Variants in PLCG2 observed in about 807,000 individuals in gnomAD.
PLCG2 encodes the protein phospholipase C gamma 2.
In PLCG2, 69 loss-of-function variants were observed where a neutral mutation model predicts 175.6. The observed-to-expected ratio is 0.39, with a 90% CI of 0.32 to 0.48. PLCG2 has a LOEUF of 0.48. PLCG2 is among the 20% of genes least tolerant of loss of function. PLCG2 has a pLI of 0.91. For missense variants in PLCG2, 1,798 were observed against 1,650.9 expected (o/e 1.09, Z -1.54); for synonymous variants, 827 against 624.0 (o/e 1.33, Z -4.85).
chr16:81,853,872 T>A (rs1906546952), intron 2 of PLCG2, among the ~76,000 whole-genome samples: 1 of 152,174 alleles, frequency 6.6e-6, no homozygotes. Context: ...CCCTGTGATA[T>A]CCAGAACCCC....
rs546063460 is a variant in PLCG2 at position 81,946,324 on chromosome 16, C to T, written c.3570+61C>T. On this transcript the variant is annotated intron_variant, in intron 31 of 32. Coordinates refer to ENST00000564138, the MANE Select transcript of PLCG2 (RefSeq NM_002661.5). Reference sequence around the variant, plus strand: ...CTATGCCTGCTGGTGAGGGTAGAAACGGCCCGTGAATACAATTGGCAGATG... The same window carrying T: ...CTATGCCTGCTGGTGAGGGTAGAAATGGCCCGTGAATACAATTGGCAGATG... 126 of 1,216,932 alleles carry T rather than the reference C, an allele frequency of 1.0e-4. No homozygotes were observed. In the South Asian group the frequency reaches 1.4e-3, roughly 13 times the overall value. The allele number at this position is 1,216,932 out of a possible 1,614,324, so 75.4% of individuals were successfully genotyped here. A position where few individuals can be genotyped will look rare whatever the true frequency, so the allele number is the denominator to read the frequency against.
At chr16:81,924,238 C>T (rs137975710) in intron 22 of PLCG2, among the ~76,000 whole-genome samples, 6 of 152,348 alleles carry the variant, frequency 3.9e-5, no homozygotes, top group African/African-American at 1.2e-4. Context: ...TGTGGGGTGA[C>T]TTCTGTCTGA....
intron 5 of PLCG2, among the ~76,000 whole-genome samples, chr16:81,865,125 A>G (rs1253528674): frequency 6.6e-6 from 1 of 152,144 alleles, no homozygotes; most frequent in Admixed American, 6.5e-5. Flanking sequence ...AGCTCTGAGC[A>G]TGGCCTGTGG....
intron 19 of PLCG2, among the ~76,000 whole-genome samples, chr16:81,915,481 T>A (rs1057170588): frequency 2.0e-5 from 3 of 152,240 alleles, no homozygotes; most frequent in African/African-American, 7.2e-5. Flanking sequence ...TCCAGGAGGA[T>A]GGAAGATGCA....
chr16:81,852,536 TA>T (rs1906471072), intron 2 of PLCG2, among the ~76,000 whole-genome samples: 1 of 152,110 alleles, frequency 6.6e-6, no homozygotes, highest in African/African-American at 2.4e-5. Flanking sequence ...GGTCATCTTG[TA>T]GGGGGAAGGA....
chr16:81,879,570 G>A (rs8045054), intron 7 of PLCG2, among the ~76,000 whole-genome samples: 40,899 of 151,970 alleles, frequency 0.27, 5,563 homozygotes, highest in Non-Finnish European at 0.28. Context: ...TCCCCATGAC[G>A]TCCTGGGCTG....
chr16:81,955,102 T>A lies in PLCG2; in HGVS notation c.3571-1593T>A, dbSNP rs74835056. Among the ~76,000 whole-genome samples the A allele has an allele frequency of 4.0e-3, 615 of 152,332 alleles. 6 individuals are homozygous for A. Among genetic ancestry groups the A allele is most frequent in the African/African-American group, 0.014 (590 of 41,568 alleles). On this transcript the variant is annotated intron_variant, in intron 31 of 32. Coordinates refer to ENST00000564138, the MANE Select transcript of PLCG2 (RefSeq NM_002661.5). Reference sequence around the variant, plus strand: ...CTTCCCAATGCCTCACTTGATACATTCACTTAATCACCAAGGACAGCCCAT... The same window carrying A: ...CTTCCCAATGCCTCACTTGATACATACACTTAATCACCAAGGACAGCCCAT...
At chr16:81,847,259 C>T (rs574652529) in intron 2 of PLCG2, among the ~76,000 whole-genome samples, 1 of 152,206 alleles carries the variant, frequency 6.6e-6, no homozygotes. Flanking sequence ...TTCCCATGTT[C>T]TCTCTGGGCA....
At chr16:81,778,407 T>G (rs1910553744), upstream of PLCG2, among the ~76,000 whole-genome samples, 1 of 151,974 alleles carries the variant, frequency 6.6e-6, no homozygotes, top group South Asian at 2.1e-4. Context: ...AACTTGGAAG[T>G]GAAATTCAAG....
At position 81,946,054 on chromosome 16, in the gene PLCG2, A is replaced by C. The variant is rs764295098; in HGVS notation, c.3482-121A>C. 3.7e-5 allele frequency: 28 copies of C among 747,402 alleles called. No individual in the cohort carries two copies. In the South Asian group the frequency reaches 4.2e-4, roughly 11 times the overall value. 46.3% of individuals were successfully genotyped at this position (747,402 alleles called of 1,614,324 possible). ...GGCTTCCACAAAGTCAGCCCCCAGC[A>C]TGGGGCACTGACTTCTCTACCCTTT... is the stretch of plus-strand genomic sequence containing the variant. On this transcript the variant is annotated intron_variant, in intron 30 of 32. Coordinates refer to ENST00000564138, the MANE Select transcript of PLCG2 (RefSeq NM_002661.5).
At position 81,816,200 on chromosome 16, in the gene PLCG2, G is replaced by A. The variant is rs1273831348; in HGVS notation, c.193+30018G>A. Among the ~76,000 whole-genome samples the A allele has an allele frequency of 2.0e-5, 3 of 152,088 alleles. No individual in the cohort carries two copies. The East Asian group carries it at 5.8e-4, about 29-fold the overall frequency. The stretch of plus-strand genomic sequence containing the variant: ...AGCCTGGCCAATATGGTGAAACTCT[G>A]CCTCTACTAAAAATATAAAAATTAG... On this transcript the variant is annotated intron_variant, in intron 2 of 32. Coordinates refer to ENST00000564138, the MANE Select transcript of PLCG2 (RefSeq NM_002661.5).
chr16:81,829,750 G>T (rs1388791436), intron 2 of PLCG2, among the ~76,000 whole-genome samples: 1 of 152,170 alleles, frequency 6.6e-6, no homozygotes, highest in Non-Finnish European at 1.5e-5. Flanking sequence ...TTCCATTGGT[G>T]ACAAGAGCCA....
chr16:81,742,615 G>C (rs112237376), intron 1 of PLCG2, among the ~76,000 whole-genome samples: 15 of 152,336 alleles, frequency 9.8e-5, no homozygotes, highest in African/African-American at 3.6e-4. Flanking sequence ...CTGGGAACTG[G>C]GGTGGACAGG....
rs140331036 is a variant in PLCG2, at chr16:81,946,966, A to G, written c.3570+703A>G. Among the ~76,000 whole-genome samples the G allele has an allele frequency of 1.2e-3, 182 of 152,300 alleles. 1 individual carries two copies. Among genetic ancestry groups the G allele is most frequent in the Non-Finnish European group, 2.1e-3 (143 of 68,032 alleles). ...CTCACTGAAGATCTGGGATTTGTGCATCTATTGCCCGGGGAAAGGGAACCA... is the reference window on the plus strand; with the variant it reads ...CTCACTGAAGATCTGGGATTTGTGCGTCTATTGCCCGGGGAAAGGGAACCA... On this transcript the variant is annotated intron_variant, in intron 31 of 32. Transcript: ENST00000564138.
intron 2 of PLCG2, among the ~76,000 whole-genome samples, chr16:81,768,315 T>G (rs1439216106): frequency 6.6e-6 from 1 of 152,194 alleles, no homozygotes; most frequent in African/African-American, 2.4e-5. Context: ...ATGAAGGACA[T>G]TTGGGTTGTT....
At chr16:81,854,332 A>T (rs985696675) in intron 2 of PLCG2, 112 bp from the exon 3 acceptor site, 79 of 925,644 alleles carry the variant, frequency 8.5e-5, no homozygotes, top group Non-Finnish European at 1.0e-5. Context: ...GCTTTGCGGG[A>T]TCCTGTTGGG....
chr16:81,848,872 G>A (rs900642423), intron 2 of PLCG2, among the ~76,000 whole-genome samples: 3 of 152,194 alleles, frequency 2.0e-5, no homozygotes, highest in African/African-American at 7.2e-5. Context: ...GTGGAAGAGA[G>A]GTGCTTGGTA....
At chr16:81,909,146 A>G (rs1909508667) in intron 17 of PLCG2, among the ~76,000 whole-genome samples, 1 of 152,280 alleles carries the variant, frequency 6.6e-6, no homozygotes, top group Non-Finnish European at 1.5e-5. Context: ...TGCCAGACAG[A>G]CAATGTCTTT....
chr16:81,904,632 G>A (rs529028096), intron 14 of PLCG2, among the ~76,000 whole-genome samples: 1 of 152,340 alleles, frequency 6.6e-6, no homozygotes, highest in East Asian at 1.9e-4. Flanking sequence ...CTGTGTGCTA[G>A]AGAAGGCTGG....
Sources: allele counts gnomAD v4.1 joint callset (sites outside exome capture counted in the v4.1 genomes callset), GRCh38; gene constraint gnomAD v4.1.1; transcripts MANE v1.5; gene names NCBI Gene and HGNC (gene_info 2026-07-23, HGNC 2026-07-21).